SHROOM4: variants seen among roughly 807,000 people sequenced by gnomAD.
SHROOM4 encodes the protein shroom family member 4.
A neutral mutation model predicts 80.3 loss-of-function variants in SHROOM4; 17 were observed. The observed-to-expected ratio is 0.21, with a 90% CI of 0.14 to 0.32. The LOEUF is 0.32. Among genes scored for constraint, SHROOM4 ranks in the 10% least tolerant of loss-of-function variants. The probability of loss-of-function intolerance (pLI) is 1.00; values close to 1 mark genes in which losing one functional copy is unlikely to be tolerated. For missense variants in SHROOM4, 993 were observed against 1,140.3 expected, an observed-to-expected ratio of 0.87 and a Z score of 1.86; for synonymous variants, 400 against 437.5, an observed-to-expected ratio of 0.91 and a Z score of 1.07.
At chrX:50,715,865 CAA>C (rs201814516) in intron 1 of SHROOM4, among the ~76,000 whole-genome samples, 4 of 84,586 alleles carry the variant, frequency 4.7e-5, no homozygotes, top group Non-Finnish European at 2.4e-5. Flanking sequence ...GTATATATTC[CAA>C]AAAAAAAAAA....
intron 1 of SHROOM4, among the ~76,000 whole-genome samples, chrX:50,729,866 A>T (rs915562778): frequency 1.8e-5 from 2 of 111,646 alleles, no homozygotes; most frequent in Admixed American, 9.5e-5. Flanking sequence ...AAAAAAAAAT[A>T]CATCAACCAA....
At chrX:50,668,615 AAGAG>A (rs1932757306) in intron 2 of SHROOM4, among the ~76,000 whole-genome samples, 1 of 112,327 alleles carries the variant, frequency 8.9e-6, no homozygotes, top group Admixed American at 9.4e-5. Context: ...AACTGAATGA[AAGAG>A]AGATAATCAT....
rs141412054 is a variant in SHROOM4 at position 50,635,101 on chromosome X, C to T, written c.972G>A (p.Arg324=). ...EPVLPARNPN[R]FCCLSGHDQV... ...GGTCATGCCCACTGAGGCAACAGAA[C>T]CTATTAGGGTTCCTTGCGGGTAGCA... The change falls in exon 4 of 9, where the codon AGG becomes AGA. Residue 324 remains arginine, a synonymous_variant. Coordinates refer to ENST00000376020, the MANE Select transcript of SHROOM4 (RefSeq NM_020717.5). The T allele has an allele frequency of 5.8e-6, 7 of 1,211,907 alleles. No homozygotes were observed. The highest frequency in any genetic ancestry group is 7.8e-6 in the Non-Finnish European group (7 of 895,511).
intron 2 of SHROOM4, among the ~76,000 whole-genome samples, chrX:50,682,003 T>C (rs1056737608): frequency 2.7e-5 from 3 of 112,092 alleles, no homozygotes; most frequent in African/African-American, 6.5e-5. Context: ...AATTTAATTA[T>C]TGAGTCATTT....
At chrX:50,791,577 C>CTTTTT (rs782127144) in intron 1 of SHROOM4, among the ~76,000 whole-genome samples, 9 of 57,988 alleles carry the variant, frequency 1.6e-4, no homozygotes, top group African/African-American at 5.4e-4. Flanking sequence ...CCATGCCTGA[C>CTTTTT]TTTTTTTTTT....
chrX:50,704,712 C>T (rs1183453242), intron 1 of SHROOM4, among the ~76,000 whole-genome samples: 1 of 111,781 alleles, frequency 8.9e-6, no homozygotes. Context: ...GCCTGCTTTG[C>T]TGCCTGAAAA....
chrX:50,712,391 G>A (rs1232130441), intron 1 of SHROOM4, among the ~76,000 whole-genome samples: 1 of 111,645 alleles, frequency 9.0e-6, no homozygotes, highest in Non-Finnish European at 1.9e-5. Flanking sequence ...GGAGACTATA[G>A]TAAATAGTAA....
At chrX:50,794,006 G>A (rs985481026) in intron 1 of SHROOM4, among the ~76,000 whole-genome samples, 1 of 110,494 alleles carries the variant, frequency 9.1e-6, no homozygotes, top group African/African-American at 3.3e-5. Context: ...GAAAAAAAGG[G>A]GCCCTGTGAA....
At chrX:50,701,345 T>A (rs1330241610) in intron 1 of SHROOM4, among the ~76,000 whole-genome samples, 1 of 111,982 alleles carries the variant, frequency 8.9e-6, no homozygotes, top group Non-Finnish European at 1.9e-5. Flanking sequence ...CAGATCGTCC[T>A]GCTGTCTCTA....
At chrX:50,761,587 G>C (rs1557268872) in intron 1 of SHROOM4, among the ~76,000 whole-genome samples, 1 of 110,801 alleles carries the variant, frequency 9.0e-6, no homozygotes, top group Admixed American at 9.6e-5. Flanking sequence ...TTTTGAGACG[G>C]AGTCTCGCTC....
intron 1 of SHROOM4, among the ~76,000 whole-genome samples, chrX:50,743,211 C>A (rs1018765584): frequency 9.3e-6 from 1 of 108,014 alleles, no homozygotes; most frequent in African/African-American, 3.4e-5. Flanking sequence ...GTCCTAGAAC[C>A]AGCCATTTTT....
At chrX:50,668,013 C>T (rs1932743193) in intron 2 of SHROOM4, among the ~76,000 whole-genome samples, 2 of 111,799 alleles carry the variant, frequency 1.8e-5, no homozygotes, top group Admixed American at 9.4e-5. Flanking sequence ...ACCCTCATGC[C>T]AATGAAGGCT....
At chrX:50,616,591 T>C (rs1930246905) in intron 5 of SHROOM4, among the ~76,000 whole-genome samples, 1 of 111,648 alleles carries the variant, frequency 9.0e-6, no homozygotes, top group Non-Finnish European at 1.9e-5. Context: ...GGAAAACAGC[T>C]CATAATCAAA....
chrX:50,774,092 G>A (rs1935454713), intron 1 of SHROOM4, among the ~76,000 whole-genome samples: 1 of 111,923 alleles, frequency 8.9e-6, no homozygotes, highest in African/African-American at 3.3e-5. Context: ...CACTTTTGCG[G>A]TGGAGGTCTC....
chrX:50,773,894 G>A (rs1935447738), intron 1 of SHROOM4, among the ~76,000 whole-genome samples: 3 of 112,276 alleles, frequency 2.7e-5, no homozygotes, highest in South Asian at 7.5e-4. Context: ...GGGTACCATC[G>A]GTGAGATAGA....
In SHROOM4 at chrX:50,634,387, C is replaced by T. The variant is rs781865288; in HGVS notation, c.1686G>A (p.Glu562=). 2.4e-5 allele frequency: 29 copies of T among 1,209,096 alleles called. No individual in the cohort carries two copies. The highest frequency in any genetic ancestry group is 3.0e-5 in the Non-Finnish European group (27 of 894,922). ...AGEEGDSEPK[E]CSRMGGRRSG... The stretch of plus-strand genomic sequence containing the variant: ...TTCGCCTACCACCCATCCGGCTGCA[C>T]TCCTTGGGCTCGCTGTCCCCTTCTT... Residue 562 remains glutamate (E), a synonymous_variant, in exon 4 of 9, where the codon GAG becomes GAA. Transcript: ENST00000376020.
intron 1 of SHROOM4, among the ~76,000 whole-genome samples, chrX:50,725,396 G>A (rs782465762): frequency 1.5e-4 from 17 of 112,198 alleles, no homozygotes; most frequent in Non-Finnish European, 2.4e-4. Context: ...TTGCTCATAG[G>A]GCATAGGTTC....
chrX:50,698,037 T>C (rs1446823277), intron 1 of SHROOM4, among the ~76,000 whole-genome samples: 1 of 112,193 alleles, frequency 8.9e-6, no homozygotes, highest in African/African-American at 3.2e-5. Flanking sequence ...TACCCATTGT[T>C]TTTAATTCAT....
chrX:50,747,131 G>T (rs1457795723), intron 1 of SHROOM4, among the ~76,000 whole-genome samples: 1 of 111,799 alleles, frequency 8.9e-6, no homozygotes, highest in Non-Finnish European at 1.9e-5. Flanking sequence ...CTGAAACTCA[G>T]ATCTGACACT....
Sources: gnomAD v4.1 joint callset for allele counts (sites outside exome capture counted in the v4.1 genomes callset) on GRCh38, gnomAD v4.1.1 for gene constraint, MANE v1.5 for transcripts, NCBI Gene and HGNC (gene_info 2026-07-23, HGNC 2026-07-21) for gene names.